The following SPAG16 variants were observed in gnomAD, a reference collection of about 807,000 sequenced individuals.
SPAG16 encodes the protein sperm associated antigen 16.
In SPAG16, 86 loss-of-function variants were observed where a neutral mutation model predicts 80.4. The ratio of observed to expected loss-of-function variants is 1.07; its 90% confidence interval spans 0.90 to 1.28. SPAG16 has a LOEUF of 1.28. Ranked by LOEUF, SPAG16 falls within the 50% of genes most tolerant of loss-of-function variation. SPAG16 has a pLI of 0.00. For synonymous variants in SPAG16, 294 were observed against 265.9 expected (o/e 1.11, Z -1.03); for missense variants, 870 against 765.3 (o/e 1.14, Z -1.61).
At chr2:213,306,593 C>G (rs932996576) in intron 3 of SPAG16, among the ~76,000 whole-genome samples, 1 of 151,574 alleles carries the variant, frequency 6.6e-6, no homozygotes, top group Non-Finnish European at 1.5e-5. Context: ...CCCTTTAGCC[C>G]GTGGTGGTGA....
chr2:213,733,499 A>ATT lies in SPAG16; in HGVS notation c.1071-128967_1071-128966dup, dbSNP rs60768952. ...TTTCTTCTGCCAGAGTTATGAAGGG[A>ATT]TTTTTTTTTTTTTTTTTTTTGGTGT... On this transcript the variant is annotated intron_variant, in intron 10 of 15. Coordinates refer to ENST00000331683, the MANE Select transcript of SPAG16 (RefSeq NM_024532.5). 3.5e-3 allele frequency among the ~76,000 whole-genome samples: 428 copies of ATT among 123,182 alleles called. 3 individuals are homozygous for ATT. The highest frequency in any genetic ancestry group is 0.012 in the African/African-American group (387 of 33,606). The allele number at this position is 123,182 out of a possible 152,430, so 80.8% of individuals were successfully genotyped here.
intron 9 of SPAG16, among the ~76,000 whole-genome samples, chr2:213,384,156 C>T (rs78786053): frequency 0.015 from 2,249 of 152,254 alleles, 28 homozygotes; most frequent in South Asian, 0.037. Context: ...AGAACATCCA[C>T]ATCTACATCC....
chr2:214,251,635 C>A (rs1690299718), intron 15 of SPAG16, among the ~76,000 whole-genome samples: 1 of 152,072 alleles, frequency 6.6e-6, no homozygotes, highest in Non-Finnish European at 1.5e-5. Flanking sequence ...TACTGAATTT[C>A]ATGGTTTTCT....
chr2:214,397,437 C>T (rs1239933903), intron 15 of SPAG16, among the ~76,000 whole-genome samples: 2 of 152,062 alleles, frequency 1.3e-5, no homozygotes, highest in Non-Finnish European at 2.9e-5. Context: ...GGATTACAGG[C>T]GTGAGCCCCC....
At chr2:213,923,329 A>G (rs1190051752) in intron 11 of SPAG16, among the ~76,000 whole-genome samples, 2 of 152,136 alleles carry the variant, frequency 1.3e-5, no homozygotes, top group African/African-American at 4.8e-5. Context: ...TGCCAGTGGC[A>G]GTGTCAGGCA....
intron 5 of SPAG16, among the ~76,000 whole-genome samples, chr2:213,337,441 G>A (rs2064427236): frequency 6.6e-6 from 1 of 152,116 alleles, no homozygotes. Context: ...AAAGAATTAT[G>A]TTCTAACTCA....
At chr2:213,807,173 G>C (rs753083552) in intron 10 of SPAG16, among the ~76,000 whole-genome samples, 5 of 152,116 alleles carry the variant, frequency 3.3e-5, no homozygotes, top group Non-Finnish European at 7.4e-5. Context: ...ATGTGACAAA[G>C]ATTACTGTGT....
At chr2:214,157,698 TATG>T (rs1341325559) in intron 15 of SPAG16, among the ~76,000 whole-genome samples, 5 of 152,122 alleles carry the variant, frequency 3.3e-5, no homozygotes, top group African/African-American at 7.2e-5. Context: ...ACTCATAAAT[TATG>T]ATAACTAAAA....
At chr2:213,402,846 T>C (rs1381439521) in intron 9 of SPAG16, among the ~76,000 whole-genome samples, 10 of 151,624 alleles carry the variant, frequency 6.6e-5, no homozygotes, top group Non-Finnish European at 1.5e-4. Flanking sequence ...TTTAGGTTGG[T>C]TCCAAGTCTT....
At chr2:214,330,041 T>A (rs982931217) in intron 15 of SPAG16, among the ~76,000 whole-genome samples, 3 of 149,976 alleles carry the variant, frequency 2.0e-5, no homozygotes, top group Non-Finnish European at 4.4e-5. Context: ...CCATGGCAGG[T>A]GGATCACCTG....
At chr2:213,401,350 A>G (rs924168319) in intron 9 of SPAG16, among the ~76,000 whole-genome samples, 1 of 152,226 alleles carries the variant, frequency 6.6e-6, no homozygotes, top group African/African-American at 2.4e-5. Flanking sequence ...TTATGTTCCC[A>G]TGTCTACTCA....
At chr2:213,899,112 A>AT in intron 11 of SPAG16, among the ~76,000 whole-genome samples, 1 of 152,144 alleles carries the variant, frequency 6.6e-6, no homozygotes. Context: ...TATATGCCTT[A>AT]TTCAATATAA....
intron 9 of SPAG16, among the ~76,000 whole-genome samples, chr2:213,442,906 T>C (rs1211167780): frequency 7.2e-5 from 11 of 152,100 alleles, no homozygotes; most frequent in Admixed American, 5.2e-4. Flanking sequence ...TTAATTTTAA[T>C]TGATTAAAAT....
At chr2:213,484,299 A>C (rs1409521140) in intron 9 of SPAG16, among the ~76,000 whole-genome samples, 1 of 152,250 alleles carries the variant, frequency 6.6e-6, no homozygotes, top group Non-Finnish European at 1.5e-5. Flanking sequence ...CTAAAGCCCA[A>C]GAAATGAAGA....
chr2:214,042,569 ATAT>A (rs1375271337), intron 13 of SPAG16, among the ~76,000 whole-genome samples: 1 of 152,174 alleles, frequency 6.6e-6, no homozygotes, highest in Non-Finnish European at 1.5e-5. Flanking sequence ...CATAGGAAAA[ATAT>A]TATCCTTTGG....
In SPAG16 at chr2:213,317,532, A is replaced by G. The variant is rs1247670496; in HGVS notation, c.536+176A>G. 1.6e-5 allele frequency: 21 copies of G among 1,313,378 alleles called. No homozygotes were observed. The Admixed American group carries it at 1.6e-4, about 10-fold the overall frequency. The allele number at this position is 1,313,378 out of a possible 1,614,324, so 81.4% of individuals were successfully genotyped here. A position where few individuals can be genotyped will look rare whatever the true frequency, so the allele number is the denominator to read the frequency against. On this transcript the variant is annotated intron_variant, in intron 5 of 15. Transcript: ENST00000331683. ...ATTAATTAAACAGATGATCAGAACT[A>G]TCACAATTATAACTTACCAACAAGA...
chr2:213,807,475 G>T (rs991930111), intron 10 of SPAG16, among the ~76,000 whole-genome samples: 4 of 151,932 alleles, frequency 2.6e-5, no homozygotes, highest in Non-Finnish European at 4.4e-5. Context: ...ACATCCAATT[G>T]CCTCCTTGAA....
At chr2:213,598,812 G>A (rs780798402) in intron 10 of SPAG16, among the ~76,000 whole-genome samples, 1 of 152,178 alleles carries the variant, frequency 6.6e-6, no homozygotes, top group African/African-American at 2.4e-5. Context: ...ACATATTTTG[G>A]TAATGGGTCC....
At chr2:214,280,987 T>A in intron 15 of SPAG16, 1 of 448,628 alleles carries the variant, frequency 2.2e-6, no homozygotes, top group South Asian at 1.9e-5. Context: ...CCGGGAATCG[T>A]TTGGTACTGT....
Sources: gnomAD v4.1 joint callset for allele counts (sites outside exome capture counted in the v4.1 genomes callset) on GRCh38, gnomAD v4.1.1 for gene constraint, MANE v1.5 for transcripts, NCBI Gene and HGNC (gene_info 2026-07-23, HGNC 2026-07-21) for gene names.